RND2: variants seen among roughly 807,000 people sequenced by gnomAD.
The protein encoded by RND2 is Rho family GTPase 2, also known as rho-related GTP-binding protein RhoN.
Under a neutral mutation model 25.9 loss-of-function variants are expected in RND2, and 16 were observed. The observed-to-expected ratio is 0.62, with a 90% CI of 0.42 to 0.94. The LOEUF is 0.94. Ranked by LOEUF, RND2 falls within the 40% of genes least tolerant of loss-of-function variation. RND2 has a pLI of 0.00. For missense variants in RND2, 276 were observed against 305.5 expected (o/e 0.90, Z 0.72); for synonymous variants, 97 against 118.1 (o/e 0.82, Z 1.16).
In RND2 at chr17:43,025,989, C is replaced by T; in HGVS notation, c.132C>T (p.Tyr44=). ...GSYVPTVFEN[Y]TASFEIDKRR... ...ATGTCCCCACCGTGTTTGAGAACTA[C>T]ACTGCGAGCTTTGAGATCGACAAGC... Residue 44 remains tyrosine (Y), a synonymous_variant, in exon 2 of 5, where the codon TAC becomes TAT. Transcript: ENST00000587250. 1 of 1,613,022 alleles carries T rather than the reference C, an allele frequency of 6.2e-7. No homozygotes were observed. The highest frequency in any genetic ancestry group is 8.5e-7 in the Non-Finnish European group (1 of 1,179,186).
Position 43,028,502 on chromosome 17 carries a change from G to A in RND2, c.506G>A (p.Ser169Asn). ...TGCTCCTCCCGGTCCTCTGAGCGCAGCGTCAGGGATGTCTTCCATGTGGCT... is the reference window on the plus strand; with the variant it reads ...TGCTCCTCCCGGTCCTCTGAGCGCAACGTCAGGGATGTCTTCCATGTGGCT... ...VECSSRSSER[S>N]VRDVFHVATV... The change falls in exon 5 of 5, where the codon AGC (serine) becomes AAC (asparagine). Residue 169 changes from serine to asparagine, a missense_variant. Transcript: ENST00000587250. 1.2e-6 allele frequency: 2 copies of A among 1,614,260 alleles called. No individual in the cohort carries two copies. Among genetic ancestry groups the A allele is most frequent in the South Asian group, 2.2e-5 (2 of 91,084 alleles).
Position 43,028,832 on chromosome 17 carries a change from G to A in RND2, c.*152G>A, listed in dbSNP as rs550358284. 509 of 1,126,280 alleles carry A rather than the reference G, an allele frequency of 4.5e-4. 2 individuals are homozygous for A. In the African/African-American group the frequency reaches 7.2e-3, roughly 16 times the overall value. The allele number at this position is 1,126,280 out of a possible 1,614,324, so 69.8% of individuals were successfully genotyped here. ...GGGCAGGGGAGCTGGAGGGCAGAAG[G>A]GTATCATCGTTTCTCATCTCCTCCT... On this transcript the variant is annotated 3_prime_UTR_variant, in exon 5 of 5. Coordinates refer to ENST00000587250, the MANE Select transcript of RND2 (RefSeq NM_005440.5).
rs755335565 is a variant in RND2, at chr17:43,027,212, C to G, written c.220C>G (p.Leu74Val). The part of the protein sequence containing the change: ...GSSYYDNVRP[L>V]AYPDSDAVLI... The stretch of plus-strand genomic sequence containing the variant: ...CTCTTACTATGATAATGTCCGGCCT[C>G]TGGCCTATCCTGATTCTGATGCTGT... The change falls in exon 3 of 5, where the codon CTG becomes GTG. Residue 74 changes from leucine to valine, a missense_variant. Physicochemically the swap from Leu to Val is conservative, Grantham distance 32 (BLOSUM62 1). Coordinates refer to ENST00000587250, the MANE Select transcript of RND2 (RefSeq NM_005440.5). The G allele has an allele frequency of 6.2e-7, 1 of 1,609,748 alleles. No homozygotes were observed.
At chr17:43,028,331 C>T (rs1255201545) in intron 4 of RND2, 101 bp from the exon 5 acceptor site, 1 of 1,581,568 alleles carries the variant, frequency 6.3e-7, no homozygotes, top group Non-Finnish European at 8.6e-7. Flanking sequence ...CTTGACTGCC[C>T]CCAGCCTTGA....
In RND2 at chr17:43,028,213, T is replaced by C; in HGVS notation, c.435+18T>C. 6.2e-7 allele frequency: 1 copy of C among 1,614,024 alleles called. No individual in the cohort carries two copies. The highest frequency in any genetic ancestry group is 1.1e-5 in the South Asian group (1 of 91,074). ...ATGAGCAGGTGGGACCCTTGACGTC[T>C]GACCTCATCCCAGCCTAGACCTGTC... On this transcript the variant is annotated intron_variant, in intron 4 of 4. Transcript: ENST00000587250.
intron 2 of RND2, among the ~76,000 whole-genome samples, chr17:43,026,891 T>G (rs1341319806): frequency 6.6e-6 from 1 of 152,220 alleles, no homozygotes; most frequent in Non-Finnish European, 1.5e-5. Context: ...TATGAGAATG[T>G]CTATAGATTT....
intron 2 of RND2, 22 bp downstream of exon 2, chr17:43,026,069 A>C: frequency 1.3e-6 from 2 of 1,582,274 alleles, no homozygotes; most frequent in Non-Finnish European, 1.7e-6. Flanking sequence ...CCTGGGGGTC[A>C]CCCTGACTTC....
rs771654982 is a variant in RND2 at position 43,028,095 on chromosome 17, C to T, written c.335C>T (p.Ala112Val). 3.7e-6 allele frequency: 6 copies of T among 1,613,988 alleles called. No individual in the cohort carries two copies. The highest frequency in any genetic ancestry group is 1.3e-5 in the African/African-American group (1 of 74,910). ...QGETQEFCPN[A>V]KVVLVGCKLD... ...GAGACTCAAGAGTTCTGCCCCAATG[C>T]CAAGGTTGTGCTGGTTGGCTGTAAA... Residue 112 changes from alanine (A) to valine (V), a missense_variant, in exon 4 of 5, where the codon GCC becomes GTC. Coordinates refer to ENST00000587250, the MANE Select transcript of RND2 (RefSeq NM_005440.5).
chr17:43,025,601 G>T, intron 1 of RND2, 152 bp downstream of exon 1: 2 of 1,052,302 alleles, frequency 1.9e-6, no homozygotes, highest in South Asian at 3.2e-5. Flanking sequence ...GCTCAGGAAG[G>T]ACTGCAGAGG....
Position 43,031,205 on chromosome 17 carries a change from T to TA in RND2, c.*2526dup, listed in dbSNP as rs1478162652. ...CCAGTCTTGAGAGGAAAGGAATCCC[T>TA]ACCCACCACTCCCTGGATCATCAGA... On this transcript the variant is annotated 3_prime_UTR_variant, in exon 5 of 5. Coordinates refer to ENST00000587250, the MANE Select transcript of RND2 (RefSeq NM_005440.5). 1 of 152,160 alleles carries TA rather than the reference T, an allele frequency of 6.6e-6. No individual in the cohort carries two copies. The highest frequency in any genetic ancestry group is 2.4e-5 in the African/African-American group (1 of 41,448). The allele number at this position is 152,160 out of a possible 1,614,324, so 9.4% of individuals were successfully genotyped here. A position where few individuals can be genotyped will look rare whatever the true frequency, so the allele number is the denominator to read the frequency against.
chr17:43,029,922 AAAAAAAG>A lies in RND2; in HGVS notation c.*1245_*1251del. ...CTGTCTCCAAAAAAAAAAAAAAAAA[AAAAAAAG>A]AAGGCATCAAAAGCCTCCACATCAC... On this transcript the variant is annotated 3_prime_UTR_variant, in exon 5 of 5. Coordinates refer to ENST00000587250, the MANE Select transcript of RND2 (RefSeq NM_005440.5). The A allele has an allele frequency of 6.6e-6, 1 of 151,932 alleles. No individual in the cohort carries two copies. Among genetic ancestry groups the A allele is most frequent in the African/African-American group, 2.4e-5 (1 of 41,278 alleles). 9.4% of individuals were successfully genotyped at this position (151,932 alleles called of 1,614,324 possible). A position where few individuals can be genotyped will look rare whatever the true frequency, so the allele number is the denominator to read the frequency against.
At chr17:43,027,384 CTGGGG>C in intron 3 of RND2, 92 bp downstream of exon 3, 1 of 834,296 alleles carries the variant, frequency 1.2e-6, no homozygotes, top group Non-Finnish European at 1.9e-6. Flanking sequence ...GGAGTGATGG[CTGGGG>C]TATGGCCATC....
At chr17:43,026,540 C>G (rs1294163054) in intron 2 of RND2, among the ~76,000 whole-genome samples, 1 of 152,126 alleles carries the variant, frequency 6.6e-6, no homozygotes, top group African/African-American at 2.4e-5. Context: ...ATCTCAGCTA[C>G]CAGGAGGCTG....
At position 43,026,066 on chromosome 17, in the gene RND2, G is replaced by A; in HGVS notation, c.190+19G>A. 6.3e-7 allele frequency: 1 copy of A among 1,588,014 alleles called. No homozygotes were observed. Among genetic ancestry groups the A allele is most frequent in the South Asian group, 1.1e-5 (1 of 90,518 alleles). Reference sequence around the variant, plus strand: ...ACTTCAGGTAGCCAAGTCCCTGGGGGTCACCCTGACTTCCAAGGCGGCCCA... The same window carrying A: ...ACTTCAGGTAGCCAAGTCCCTGGGGATCACCCTGACTTCCAAGGCGGCCCA... On this transcript the variant is annotated intron_variant, in intron 2 of 4. Transcript: ENST00000587250.
In RND2 at chr17:43,030,433, G is replaced by GTGGC. The variant is rs1208594846; in HGVS notation, c.*1754_*1757dup. 1 of 152,688 alleles carries GTGGC rather than the reference G, an allele frequency of 6.5e-6. No homozygotes were observed. Among genetic ancestry groups the GTGGC allele is most frequent in the Non-Finnish European group, 1.5e-5 (1 of 68,066 alleles). The allele number at this position is 152,688 out of a possible 1,614,324, so 9.5% of individuals were successfully genotyped here. A position where few individuals can be genotyped will look rare whatever the true frequency, so the allele number is the denominator to read the frequency against. ...CAAGTATGTACTGAACACCAACTGT[G>GTGGC]TGGCATACACTGGCTTGGGAGATTG... On this transcript the variant is annotated 3_prime_UTR_variant, in exon 5 of 5. Transcript: ENST00000587250.
chr17:43,025,287 G>A lies in RND2; in HGVS notation c.-61G>A. On this transcript the variant is annotated 5_prime_UTR_variant, in exon 1 of 5. Coordinates refer to ENST00000587250, the MANE Select transcript of RND2 (RefSeq NM_005440.5). The stretch of plus-strand genomic sequence containing the variant: ...CGAGCGGCTGCAGTTGCAGGGGCGG[G>A]GGAGGCGGCGGCGGGGCCCGGGAGA... 1.4e-6 allele frequency: 2 copies of A among 1,422,756 alleles called. No individual in the cohort carries two copies. The highest frequency in any genetic ancestry group is 1.9e-6 in the Non-Finnish European group (2 of 1,075,164). 88.1% of individuals were successfully genotyped at this position (1,422,756 alleles called of 1,614,324 possible). A position where few individuals can be genotyped will look rare whatever the true frequency, so the allele number is the denominator to read the frequency against.
intron 1 of RND2, 25 bp downstream of exon 1, chr17:43,025,474 G>C: frequency 6.5e-7 from 1 of 1,543,550 alleles, no homozygotes. Flanking sequence ...TCTTGGGAGG[G>C]GGACGCTAAG....
rs2050664212 is a variant in RND2, at chr17:43,030,517, G to C, written c.*1837G>C. 1 of 152,656 alleles carries C rather than the reference G, an allele frequency of 6.6e-6. No homozygotes were observed. Among genetic ancestry groups the C allele is most frequent in the African/African-American group, 2.4e-5 (1 of 41,438 alleles). The allele number at this position is 152,656 out of a possible 1,614,324, so 9.5% of individuals were successfully genotyped here. On this transcript the variant is annotated 3_prime_UTR_variant, in exon 5 of 5. Transcript: ENST00000587250. ...CCAGTGTGGAAGAGAGGTACCTCAG[G>C]TGTGAGGGTGCCATGGCTGAGGGAT...
rs2050667068 is a variant in RND2, at chr17:43,030,831, CT to C, written c.*2152del. The C allele has an allele frequency of 1.3e-5, 2 of 152,116 alleles. No individual in the cohort carries two copies. The highest frequency in any genetic ancestry group is 2.9e-5 in the Non-Finnish European group (2 of 68,042). The allele number at this position is 152,116 out of a possible 1,614,324, so 9.4% of individuals were successfully genotyped here. On this transcript the variant is annotated 3_prime_UTR_variant, in exon 5 of 5. Coordinates refer to ENST00000587250, the MANE Select transcript of RND2 (RefSeq NM_005440.5). ...CATTCTGAGGATGAATGAAATCATCCTCAGAGGATGAAGCCACCAGGAATTT... is the reference window on the plus strand; with the variant it reads ...CATTCTGAGGATGAATGAAATCATCCCAGAGGATGAAGCCACCAGGAATTT...
Sources: gnomAD v4.1 joint callset for allele counts (sites outside exome capture counted in the v4.1 genomes callset) on GRCh38, gnomAD v4.1.1 for gene constraint, MANE v1.5 for transcripts, NCBI Gene and HGNC (gene_info 2026-07-23, HGNC 2026-07-21) for gene names.